The following CNTLN variants were observed in gnomAD, a reference collection of about 807,000 sequenced individuals.
CNTLN encodes the protein centlein, centrosomal protein.
Under a neutral mutation model 180.0 loss-of-function variants are expected in CNTLN, and 212 were observed. The ratio of observed to expected loss-of-function variants is 1.18; its 90% CI spans 1.05 to 1.32. CNTLN has a LOEUF of 1.32. CNTLN is among the 40% of genes most tolerant of loss of function. CNTLN has a pLI of 0.00. For synonymous variants in CNTLN, 722 were observed against 563.1 expected (o/e 1.28, Z -3.99); for missense variants, 2,095 against 1,610.9 (o/e 1.30, Z -5.14).
At chr9:17,359,372 T>C (rs1448943562) in intron 12 of CNTLN, among the ~76,000 whole-genome samples, 1 of 151,956 alleles carries the variant, frequency 6.6e-6, no homozygotes, top group Non-Finnish European at 1.5e-5. Flanking sequence ...AATTGATAAA[T>C]TGGCCTATGT....
chr9:17,194,876 G>C (rs1822025624), intron 2 of CNTLN, among the ~76,000 whole-genome samples: 1 of 152,148 alleles, frequency 6.6e-6, no homozygotes. Context: ...GTGACAGGAG[G>C]CAAAAAGCCC....
chr9:17,370,755 T>C (rs569801660), intron 13 of CNTLN, among the ~76,000 whole-genome samples: 2 of 152,024 alleles, frequency 1.3e-5, no homozygotes, highest in African/African-American at 2.4e-5. Flanking sequence ...TTTCAAGACA[T>C]AGTATAATAA....
At chr9:17,389,740 A>G (rs200473851) in intron 14 of CNTLN, among the ~76,000 whole-genome samples, 14 of 6,142 alleles carry the variant, frequency 2.3e-3, no homozygotes, top group African/African-American at 3.7e-3. Context: ...AATGAAACAT[A>G]TATGCAGATT....
intron 12 of CNTLN, among the ~76,000 whole-genome samples, chr9:17,350,664 A>T (rs188038626): frequency 1.3e-5 from 2 of 152,216 alleles, no homozygotes; most frequent in South Asian, 4.1e-4. Flanking sequence ...GTGCCGATGG[A>T]TTAGGTTCCT....
intron 2 of CNTLN, among the ~76,000 whole-genome samples, chr9:17,147,477 C>T (rs1174199141): frequency 6.6e-6 from 1 of 152,088 alleles, no homozygotes; most frequent in Non-Finnish European, 1.5e-5. Context: ...CTTTCTGGGG[C>T]CTCTTCTATG....
chr9:17,237,404 CACG>C (rs1825220423), intron 5 of CNTLN, among the ~76,000 whole-genome samples: 16 of 131,542 alleles, frequency 1.2e-4, no homozygotes, highest in African/African-American at 4.9e-4. Flanking sequence ...CACACACACA[CACG>C]GTTAGTCAAC....
At chr9:17,378,342 G>A (rs1001878567) in intron 13 of CNTLN, among the ~76,000 whole-genome samples, 1 of 152,012 alleles carries the variant, frequency 6.6e-6, no homozygotes, top group African/African-American at 2.4e-5. Flanking sequence ...ACCATGCCCA[G>A]CTAATTTTGT....
chr9:17,223,285 AGT>A (rs1308993718), intron 2 of CNTLN, among the ~76,000 whole-genome samples: 7 of 152,076 alleles, frequency 4.6e-5, no homozygotes, highest in African/African-American at 1.2e-4. Context: ...AGCCATGGAA[AGT>A]GAAACTGAGG....
chr9:17,452,042 G>A (rs1028568490), intron 18 of CNTLN, among the ~76,000 whole-genome samples: 2 of 152,298 alleles, frequency 1.3e-5, no homozygotes, highest in East Asian at 3.9e-4. Flanking sequence ...TTCTTTACAT[G>A]TGCTACAACT....
intron 5 of CNTLN, among the ~76,000 whole-genome samples, chr9:17,271,027 T>G (rs970477694): frequency 6.8e-6 from 1 of 148,140 alleles, no homozygotes; most frequent in Admixed American, 6.8e-5. Flanking sequence ...CTTGGCTCAC[T>G]GCAATCTCAG....
chr9:17,184,668 C>G (rs1821323081), intron 2 of CNTLN, among the ~76,000 whole-genome samples: 1 of 152,120 alleles, frequency 6.6e-6, no homozygotes, highest in Admixed American at 6.5e-5. Flanking sequence ...AGTGTTCAAT[C>G]CAGCCACTTT....
the CNTLN span, among the ~76,000 whole-genome samples, chr9:17,526,231 G>T: frequency 6.6e-6 from 1 of 152,100 alleles, no homozygotes; most frequent in Admixed American, 6.5e-5. Context: ...CACCGTGCCC[G>T]GCCTGGACAT....
chr9:17,474,922 A>G (rs1191890105), intron 23 of CNTLN, among the ~76,000 whole-genome samples: 4 of 151,666 alleles, frequency 2.6e-5, no homozygotes, highest in Non-Finnish European at 5.9e-5. Context: ...GTCTCCTGGC[A>G]TGACTCCTTA....
At chr9:17,453,452 A>G (rs146941082) in intron 18 of CNTLN, among the ~76,000 whole-genome samples, 1,754 of 152,300 alleles carry the variant, frequency 0.012, 35 homozygotes, top group African/African-American at 0.04. Flanking sequence ...CTTTCTTGAG[A>G]TGGGACAGAG....
At chr9:17,518,905 T>A in the CNTLN span, among the ~76,000 whole-genome samples, 1 of 152,124 alleles carries the variant, frequency 6.6e-6, no homozygotes, top group African/African-American at 2.4e-5. Context: ...GAAATAAGCT[T>A]CTGCTGTGAA....
At chr9:17,211,023 G>A (rs2131962950) in intron 2 of CNTLN, among the ~76,000 whole-genome samples, 1 of 152,248 alleles carries the variant, frequency 6.6e-6, no homozygotes, top group African/African-American at 2.4e-5. Context: ...CGCTCTGATG[G>A]TAGTTTCTTT....
intron 19 of CNTLN, among the ~76,000 whole-genome samples, chr9:17,460,922 G>A (rs927658439): frequency 1.3e-5 from 2 of 151,520 alleles, no homozygotes; most frequent in Non-Finnish European, 3.0e-5. Context: ...GTATTAAGGG[G>A]TAGGATGATT....
intron 2 of CNTLN, among the ~76,000 whole-genome samples, chr9:17,212,967 A>G (rs1479104291): frequency 6.6e-6 from 1 of 152,032 alleles, no homozygotes; most frequent in Admixed American, 6.6e-5. Flanking sequence ...TAGTCTTGCT[A>G]GCGGTCTATC....
chr9:17,234,611 C>T (rs141372612), intron 3 of CNTLN, among the ~76,000 whole-genome samples: 48 of 151,696 alleles, frequency 3.2e-4, no homozygotes, highest in African/African-American at 1.0e-3. Flanking sequence ...TAAAATAAAT[C>T]GATATTTAGG....
Sources: allele counts gnomAD v4.1 joint callset (sites outside exome capture counted in the v4.1 genomes callset), GRCh38; gene constraint gnomAD v4.1.1; transcripts MANE v1.5; gene names NCBI Gene and HGNC (gene_info 2026-07-23, HGNC 2026-07-21).